CHMP4B: variants seen among roughly 807,000 people sequenced by gnomAD.
The protein encoded by CHMP4B is charged multivesicular body protein 4B, also known as SNF7 homolog associated with Alix 1.
A neutral mutation model predicts 25.1 loss-of-function variants in CHMP4B; 1 was observed. That is an observed-to-expected ratio of 0.04 (90% CI 0.01 to 0.19). The LOEUF is 0.19. Ranked by LOEUF, CHMP4B falls within the 10% of genes least tolerant of loss-of-function variation. The probability of loss-of-function intolerance (pLI) is 1.00; values close to 1 mark genes in which losing one functional copy is unlikely to be tolerated. For synonymous variants in CHMP4B, 101 were observed against 115.6 expected (o/e 0.87, Z 0.81); for missense variants, 151 against 289.7 (o/e 0.52, Z 3.48).
chr20:33,852,607 G>GGT (rs1476812811), intron 4 of CHMP4B, among the ~76,000 whole-genome samples: 1 of 152,194 alleles, frequency 6.6e-6, no homozygotes, highest in Non-Finnish European at 1.5e-5. Context: ...AATGTCCCTT[G>GGT]GTAGGGGTTG....
intron 1 of CHMP4B, among the ~76,000 whole-genome samples, chr20:33,843,602 G>A (rs564744045): frequency 7.0e-4 from 106 of 152,202 alleles, no homozygotes; most frequent in Non-Finnish European, 1.3e-3. Context: ...TAATATTTAT[G>A]AAAACATTGG....
chr20:33,823,907 C>T (rs1381908460), intron 1 of CHMP4B, among the ~76,000 whole-genome samples: 1 of 152,058 alleles, frequency 6.6e-6, no homozygotes, highest in African/African-American at 2.4e-5. Context: ...AACTCCTGGG[C>T]TCAAGCAGTC....
intron 1 of CHMP4B, among the ~76,000 whole-genome samples, chr20:33,821,715 G>T (rs970700995): frequency 1.5e-4 from 23 of 152,258 alleles, no homozygotes; most frequent in African/African-American, 4.6e-4. Context: ...TTGAGGCCAG[G>T]AGTTTGAGAC....
chr20:33,817,165 G>A (rs1338961630), intron 1 of CHMP4B, among the ~76,000 whole-genome samples: 1 of 152,198 alleles, frequency 6.6e-6, no homozygotes, highest in Non-Finnish European at 1.5e-5. Context: ...TAGAAAACTC[G>A]AAATCCACCC....
chr20:33,824,502 C>T (rs1601318936), intron 1 of CHMP4B, among the ~76,000 whole-genome samples: 2 of 152,192 alleles, frequency 1.3e-5, no homozygotes, highest in South Asian at 2.1e-4. Flanking sequence ...AGGAGACGAC[C>T]AAGAGGAGAC....
chr20:33,831,868 G>A (rs962536207), intron 1 of CHMP4B, among the ~76,000 whole-genome samples: 5 of 152,020 alleles, frequency 3.3e-5, no homozygotes, highest in African/African-American at 1.2e-4. Flanking sequence ...TTACAGGTGT[G>A]AGCCACCGTG....
chr20:33,831,271 A>T (rs956815427), intron 1 of CHMP4B, among the ~76,000 whole-genome samples: 5 of 152,016 alleles, frequency 3.3e-5, no homozygotes, highest in Non-Finnish European at 7.4e-5. Flanking sequence ...TTTTTAGTGG[A>T]GACGGGGTTT....
chr20:33,816,246 A>G (rs1423277165), intron 1 of CHMP4B, among the ~76,000 whole-genome samples: 1 of 152,212 alleles, frequency 6.6e-6, no homozygotes, highest in Non-Finnish European at 1.5e-5. Context: ...GAGAATGCAG[A>G]CGTGAACCAG....
At chr20:33,826,289 A>G (rs1193439311) in intron 1 of CHMP4B, among the ~76,000 whole-genome samples, 2 of 152,102 alleles carry the variant, frequency 1.3e-5, no homozygotes, top group Non-Finnish European at 2.9e-5. Context: ...TGGTAGGACC[A>G]TTCGAGGCCG....
intron 1 of CHMP4B, among the ~76,000 whole-genome samples, chr20:33,846,650 A>G (rs6120389): frequency 0.018 from 2,778 of 152,318 alleles, 92 homozygotes; most frequent in African/African-American, 0.064. Context: ...ACGGAATCCC[A>G]GGCCAACGGG....
At chr20:33,824,437 G>T (rs1743893842) in intron 1 of CHMP4B, among the ~76,000 whole-genome samples, 1 of 152,200 alleles carries the variant, frequency 6.6e-6, no homozygotes, top group African/African-American at 2.4e-5. Context: ...TGGGGTTGGG[G>T]TGTGGGGGTC....
At chr20:33,827,761 T>A (rs1979133769) in intron 1 of CHMP4B, among the ~76,000 whole-genome samples, 1 of 152,198 alleles carries the variant, frequency 6.6e-6, no homozygotes, top group South Asian at 2.1e-4. Context: ...CAGTGACCAG[T>A]TAAGCACACT....
chr20:33,840,265 G>A (rs527894171), intron 1 of CHMP4B, among the ~76,000 whole-genome samples: 2 of 151,574 alleles, frequency 1.3e-5, no homozygotes, highest in Non-Finnish European at 2.9e-5. Flanking sequence ...AAAGGGGGGG[G>A]ACAGGACAGG....
chr20:33,834,571 A>G (rs547799270), intron 1 of CHMP4B, among the ~76,000 whole-genome samples: 1 of 152,330 alleles, frequency 6.6e-6, no homozygotes, highest in South Asian at 2.1e-4. Flanking sequence ...GCTGAGGTCC[A>G]TTTGAGATTG....
intron 1 of CHMP4B, among the ~76,000 whole-genome samples, chr20:33,841,436 C>T (rs544970521): frequency 1.5e-4 from 23 of 152,312 alleles, no homozygotes; most frequent in Admixed American, 1.4e-3. Flanking sequence ...TCAGGGACAG[C>T]GTTCCAAGGC....
chr20:33,833,986 G>T (rs1979325500), intron 1 of CHMP4B, among the ~76,000 whole-genome samples: 1 of 152,162 alleles, frequency 6.6e-6, no homozygotes, highest in Non-Finnish European at 1.5e-5. Context: ...TTTCATCTAA[G>T]CCGTTGCATC....
chr20:33,853,427 C>T, intron 4 of CHMP4B, 69 bp from the exon 5 acceptor site: 3 of 1,423,250 alleles, frequency 2.1e-6, no homozygotes, highest in African/African-American at 2.8e-5. Context: ...GCACAGGCAG[C>T]CCTCATTTCC....
chr20:33,822,291 G>A lies in CHMP4B; in HGVS notation c.190+10633G>A, dbSNP rs564452023. 2.4e-4 allele frequency among the ~76,000 whole-genome samples: 36 copies of A among 151,998 alleles called. No homozygotes were observed. The South Asian group carries it at 3.9e-3, about 17-fold the overall frequency. The stretch of plus-strand genomic sequence containing the variant: ...TGTAAGTAGCTGGGATTACAGGCAC[G>A]TGCCAGCACACCCAGCTAATTTTTG... On this transcript the variant is annotated intron_variant, in intron 1 of 4. Transcript: ENST00000217402.
intron 1 of CHMP4B, among the ~76,000 whole-genome samples, chr20:33,836,253 A>G (rs948944823): frequency 6.6e-6 from 1 of 152,286 alleles, no homozygotes. Flanking sequence ...TAGATGTCAA[A>G]TGTAAATTTT....
Sources: allele counts gnomAD v4.1 joint callset (sites outside exome capture counted in the v4.1 genomes callset), GRCh38; gene constraint gnomAD v4.1.1; transcripts MANE v1.5; gene names NCBI Gene and HGNC (gene_info 2026-07-23, HGNC 2026-07-21).